ASTN2: variants seen among roughly 807,000 people sequenced by gnomAD.
The protein encoded by ASTN2 is astrotactin-2.
ASTN2 carries 54 observed loss-of-function variants against 139.8 expected under a neutral mutation model. The observed-to-expected ratio is 0.39, with a 90% confidence interval of 0.31 to 0.48. The LOEUF (loss-of-function observed/expected upper bound fraction) is 0.48. ASTN2 is among the 20% of genes least tolerant of loss of function. ASTN2 has a pLI of 0.95. For missense variants in ASTN2, 1,565 were observed against 1,725.1 expected, an observed-to-expected ratio of 0.91 and a Z score of 1.64; for synonymous variants, 756 against 719.5, an observed-to-expected ratio of 1.05 and a Z score of -0.81.
At chr9:116,609,371 ATATGGGTG>A (rs1416088574) in intron 19 of ASTN2, among the ~76,000 whole-genome samples, 3 of 88,048 alleles carry the variant, frequency 3.4e-5, no homozygotes, top group Admixed American at 1.5e-4. Flanking sequence ...TGAATTATAT[ATATGGGTG>A]TATATATATA....
At chr9:117,240,758 C>T (rs1440745547) in intron 2 of ASTN2, among the ~76,000 whole-genome samples, 3 of 152,166 alleles carry the variant, frequency 2.0e-5, no homozygotes, top group African/African-American at 7.2e-5. Flanking sequence ...TTCCAATCCT[C>T]ATTTTGTAGA....
intron 7 of ASTN2, 70 bp from the exon 8 acceptor site, chr9:116,976,855 T>C: frequency 6.9e-7 from 1 of 1,442,202 alleles, no homozygotes; most frequent in Non-Finnish European, 9.6e-7. Context: ...CTGGTTTGCT[T>C]GTTTTCCTAA....
At chr9:116,441,496 C>T (rs1399053316) in intron 21 of ASTN2, among the ~76,000 whole-genome samples, 9 of 151,748 alleles carry the variant, frequency 5.9e-5, no homozygotes, top group Non-Finnish European at 1.3e-4. Flanking sequence ...CTATTTTCTA[C>T]TCTGATTTTT....
At chr9:116,489,858 G>A (rs995982595) in intron 19 of ASTN2, among the ~76,000 whole-genome samples, 2 of 152,182 alleles carry the variant, frequency 1.3e-5, no homozygotes, top group African/African-American at 4.8e-5. Context: ...TTGACGCGTA[G>A]ATGCTAGATT....
intron 10 of ASTN2, among the ~76,000 whole-genome samples, chr9:116,891,472 G>C (rs891799148): frequency 6.6e-6 from 1 of 152,240 alleles, no homozygotes; most frequent in Non-Finnish European, 1.5e-5. Flanking sequence ...GCATATGCTA[G>C]TTATCTTAGC....
rs376005069 is a variant in ASTN2 at position 116,802,624 on chromosome 9, A to C, written c.2396+3008T>G. On this transcript the variant is annotated intron_variant, in intron 13 of 22. Transcript: ENST00000313400. ...TATCCTTCACACAACAGAATGGTAC[A>C]TTGGCTCAATTATCAAATGCCAGCC... is the stretch of plus-strand genomic sequence containing the variant. Among the ~76,000 whole-genome samples the C allele has an allele frequency of 1.3e-3, 192 of 152,346 alleles. 4 individuals carry two copies. In the South Asian group the frequency reaches 0.018, roughly 14 times the overall value.
chr9:117,004,064 T>C (rs1459341821), intron 7 of ASTN2, among the ~76,000 whole-genome samples: 1 of 151,816 alleles, frequency 6.6e-6, no homozygotes, highest in East Asian at 1.9e-4. Flanking sequence ...TGTCTGGTCA[T>C]ATGATGCATA....
At chr9:117,181,297 G>T in intron 3 of ASTN2, 1 of 426,528 alleles carries the variant, frequency 2.3e-6, no homozygotes, top group Non-Finnish European at 4.3e-6. Context: ...GCCCAGAGAT[G>T]TCAAATAACT....
intron 11 of ASTN2, among the ~76,000 whole-genome samples, chr9:116,850,082 G>A (rs570703299): frequency 6.6e-6 from 1 of 152,324 alleles, no homozygotes; most frequent in South Asian, 2.1e-4. Context: ...CCCAAGTCCA[G>A]TGTTCTGGGG....
At chr9:117,250,204 T>C (rs991146220) in intron 2 of ASTN2, among the ~76,000 whole-genome samples, 13 of 152,344 alleles carry the variant, frequency 8.5e-5, no homozygotes, top group African/African-American at 3.1e-4. Context: ...CAGCAATGAA[T>C]GTGCTAGGCA....
At chr9:116,901,460 T>A (rs1002915073) in intron 10 of ASTN2, among the ~76,000 whole-genome samples, 2 of 152,162 alleles carry the variant, frequency 1.3e-5, no homozygotes, top group Non-Finnish European at 2.9e-5. Flanking sequence ...GAGGCAGCAG[T>A]GAGCTGAGAT....
intron 4 of ASTN2, among the ~76,000 whole-genome samples, chr9:117,135,401 T>C (rs1271824894): frequency 6.6e-6 from 1 of 152,226 alleles, no homozygotes; most frequent in Non-Finnish European, 1.5e-5. Context: ...GCTCAGTAGA[T>C]GGTAGGCTGC....
intron 3 of ASTN2, among the ~76,000 whole-genome samples, chr9:117,177,197 T>C (rs1403086050): frequency 1.3e-5 from 2 of 152,160 alleles, no homozygotes; most frequent in Non-Finnish European, 2.9e-5. Context: ...TACAATGAGG[T>C]CTAATGATAA....
chr9:117,042,442 C>A (rs987324169), intron 5 of ASTN2, among the ~76,000 whole-genome samples: 1 of 152,048 alleles, frequency 6.6e-6, no homozygotes, highest in Non-Finnish European at 1.5e-5. Flanking sequence ...ATGGTAGGAA[C>A]TATACATGAG....
At chr9:116,793,040 C>G (rs1830598447) in intron 13 of ASTN2, among the ~76,000 whole-genome samples, 1 of 151,940 alleles carries the variant, frequency 6.6e-6, no homozygotes, top group African/African-American at 2.4e-5. Flanking sequence ...TTGCCCAAAC[C>G]TCAGGATCAT....
At chr9:117,236,459 CA>C (rs1013472988) in intron 2 of ASTN2, among the ~76,000 whole-genome samples, 2 of 151,810 alleles carry the variant, frequency 1.3e-5, no homozygotes, top group East Asian at 1.9e-4. Flanking sequence ...GAAACTTGTT[CA>C]AAAAAAATGT....
intron 11 of ASTN2, among the ~76,000 whole-genome samples, chr9:116,841,315 G>T (rs985148511): frequency 4.6e-5 from 7 of 152,214 alleles, no homozygotes. Flanking sequence ...GCAGTGAGCC[G>T]AGATGGCAGC....
chr9:117,064,347 G>A (rs1031975365), intron 5 of ASTN2, among the ~76,000 whole-genome samples: 5 of 152,030 alleles, frequency 3.3e-5, no homozygotes, highest in Admixed American at 2.6e-4. Context: ...CTCAGCTCCA[G>A]GATTCCAGAA....
chr9:117,009,856 A>T (rs554456897), intron 6 of ASTN2, among the ~76,000 whole-genome samples: 1 of 152,198 alleles, frequency 6.6e-6, no homozygotes, highest in African/African-American at 2.4e-5. Flanking sequence ...GCTGTGGTCC[A>T]ATGAGCAATG....
Sources: gnomAD v4.1 joint callset for allele counts (sites outside exome capture counted in the v4.1 genomes callset) on GRCh38, gnomAD v4.1.1 for gene constraint, MANE v1.5 for transcripts, NCBI Gene and HGNC (gene_info 2026-07-23, HGNC 2026-07-21) for gene names.